The following KRABD4 variants were observed in gnomAD, a reference collection of about 807,000 sequenced individuals.
KRABD4 encodes the protein KRAB domain containing 4.
the KRABD4 span, chrX:46,455,967 C>T: frequency 3.2e-6 from 1 of 311,763 alleles, no homozygotes; most frequent in African/African-American, 2.7e-5. Context: ...CTGAACGCTG[C>T]CATCCAGAGT....
the KRABD4 span, among the ~76,000 whole-genome samples, chrX:46,471,418 A>G: frequency 4.4e-3 from 416 of 94,707 alleles, 3 homozygotes; most frequent in African/African-American, 0.016. Context: ...CACCCTGCCA[A>G]TTTCCCCTAA....
At chrX:46,467,260 A>G in the KRABD4 span, among the ~76,000 whole-genome samples, 5 of 111,938 alleles carry the variant, frequency 4.5e-5, no homozygotes, top group Non-Finnish European at 9.4e-5. Context: ...GTTTAACTTT[A>G]TAAGACATTG....
the KRABD4 span, among the ~76,000 whole-genome samples, chrX:46,464,689 ATGCT>A: frequency 8.9e-6 from 1 of 112,291 alleles, no homozygotes; most frequent in African/African-American, 3.2e-5. Context: ...TGCTGATGGT[ATGCT>A]TGCTTTTTTC....
At chrX:46,468,861 C>G in the KRABD4 span, among the ~76,000 whole-genome samples, 1 of 111,587 alleles carries the variant, frequency 9.0e-6, no homozygotes, top group Non-Finnish European at 1.9e-5. Context: ...TTGAGTATCC[C>G]TAATCCAGAA....
the KRABD4 span, among the ~76,000 whole-genome samples, chrX:46,447,698 G>T: frequency 8.9e-6 from 1 of 112,088 alleles, no homozygotes; most frequent in East Asian, 2.8e-4. Flanking sequence ...CTTCACAGGA[G>T]CCCTGTGAGG....
chrX:46,472,733 C>T, the KRABD4 span: 2 of 1,202,985 alleles, frequency 1.7e-6, no homozygotes, highest in South Asian at 1.8e-5. Flanking sequence ...TTTGATGATT[C>T]ATTCATTTTC....
At chrX:46,455,426 C>A in the KRABD4 span, 1 of 447,221 alleles carries the variant, frequency 2.2e-6, no homozygotes, top group Non-Finnish European at 4.1e-6. Context: ...ATCAAAGTTA[C>A]CACTGTACAG....
At chrX:46,468,134 T>C in the KRABD4 span, among the ~76,000 whole-genome samples, 1 of 111,947 alleles carries the variant, frequency 8.9e-6, no homozygotes, top group Non-Finnish European at 1.9e-5. Flanking sequence ...AACATATTTT[T>C]ATATTATTTT....
chrX:46,461,466 C>A, the KRABD4 span, among the ~76,000 whole-genome samples: 1 of 111,615 alleles, frequency 9.0e-6, no homozygotes, highest in African/African-American at 3.3e-5. Context: ...TGCCTGTCCC[C>A]ACCCTCTGGC....
chrX:46,472,145 T>C, the KRABD4 span: 1 of 112,564 alleles, frequency 8.9e-6, no homozygotes, highest in South Asian at 3.6e-4. Context: ...AATTTATAGG[T>C]GAATTTATCA....
At chrX:46,456,730 T>C in the KRABD4 span, 1 of 284,550 alleles carries the variant, frequency 3.5e-6, no homozygotes, top group Non-Finnish European at 6.5e-6. Flanking sequence ...GAGCAAAGTG[T>C]TGGAAGGTGT....
At chrX:46,472,884 A>G in the KRABD4 span, 1 of 1,211,896 alleles carries the variant, frequency 8.3e-7, no homozygotes, top group Non-Finnish European at 1.1e-6. Flanking sequence ...TAGAAAAAGC[A>G]TTTATCTGAG....
chrX:46,463,296 G>A, the KRABD4 span: 16 of 1,209,937 alleles, frequency 1.3e-5, no homozygotes, highest in Admixed American at 3.5e-4. Context: ...CTGTGCAGGT[G>A]AGGACAGGCC....
chrX:46,462,069 CAT>C, the KRABD4 span, among the ~76,000 whole-genome samples: 9 of 112,251 alleles, frequency 8.0e-5, no homozygotes, highest in African/African-American at 2.3e-4. Flanking sequence ...GTTCAGTAAA[CAT>C]GTGTTGAATG....
the KRABD4 span, among the ~76,000 whole-genome samples, chrX:46,460,613 GGTT>G: frequency 3.0e-4 from 29 of 96,229 alleles, 1 homozygote; most frequent in African/African-American, 1.1e-3. Context: ...CCAGCCCTTT[GGTT>G]GTTGTCGTTA....
chrX:46,450,937 A>T, the KRABD4 span, among the ~76,000 whole-genome samples: 1 of 109,857 alleles, frequency 9.1e-6, no homozygotes, highest in Non-Finnish European at 1.9e-5. Context: ...TCCTGACCTC[A>T]AGTGATCCCC....
the KRABD4 span, among the ~76,000 whole-genome samples, chrX:46,460,558 G>A: frequency 4.4e-4 from 47 of 106,549 alleles, no homozygotes; most frequent in African/African-American, 1.5e-3. Flanking sequence ...ACTACCATCC[G>A]GGAACCACCA....
At chrX:46,457,628 T>TG in the KRABD4 span, among the ~76,000 whole-genome samples, 8 of 108,070 alleles carry the variant, frequency 7.4e-5, no homozygotes, top group African/African-American at 2.7e-4. Flanking sequence ...TCAGAGTTTT[T>TG]TTTTTTTTTT....
chrX:46,462,110 A>T, the KRABD4 span, among the ~76,000 whole-genome samples: 1 of 112,199 alleles, frequency 8.9e-6, no homozygotes. Flanking sequence ...AATATTTCTC[A>T]TACCCTATCT....
Sources: allele counts gnomAD v4.1 joint callset (sites outside exome capture counted in the v4.1 genomes callset), GRCh38; gene constraint gnomAD v4.1.1; transcripts MANE v1.5; gene names NCBI Gene and HGNC (gene_info 2026-07-23, HGNC 2026-07-21).